Variants in MARCHF1 observed in about 807,000 individuals in gnomAD.
MARCHF1 encodes the protein E3 ubiquitin-protein ligase MARCHF1.
MARCHF1 carries 40 observed loss-of-function variants against 54.2 expected under a neutral mutation model. The ratio of observed to expected loss-of-function variants is 0.74; its 90% CI spans 0.57 to 0.96. The LOEUF is 0.96. MARCHF1 is among the 40% of genes least tolerant of loss of function. The pLI is 0.00. For synonymous variants in MARCHF1, 236 were observed against 236.3 expected, an observed-to-expected ratio of 1.00 and a Z score of 0.01; for missense variants, 586 against 656.5, an observed-to-expected ratio of 0.89 and a Z score of 1.17.
chr4:163,585,610 C>T, intron 8 of MARCHF1, 139 bp downstream of exon 8: 1 of 548,114 alleles, frequency 1.8e-6, no homozygotes, highest in South Asian at 4.8e-5. Flanking sequence ...AAATTTTGTG[C>T]ACTGAGCTCA....
intron 4 of MARCHF1, among the ~76,000 whole-genome samples, chr4:163,787,369 A>C (rs1747651763): frequency 6.6e-6 from 1 of 151,800 alleles, no homozygotes; most frequent in African/African-American, 2.4e-5. Context: ...AAGAACCTCT[A>C]AACTCAACAA....
At chr4:163,667,470 T>C (rs1424316569) in intron 5 of MARCHF1, among the ~76,000 whole-genome samples, 1 of 152,194 alleles carries the variant, frequency 6.6e-6, no homozygotes, top group African/African-American at 2.4e-5. Context: ...AAACCTTTTA[T>C]TGACATCAAA....
intron 5 of MARCHF1, among the ~76,000 whole-genome samples, chr4:163,696,529 T>C (rs941892919): frequency 6.6e-6 from 1 of 152,146 alleles, no homozygotes; most frequent in Admixed American, 6.5e-5. Context: ...TGACACTTCT[T>C]CACATGAGCT....
intron 8 of MARCHF1, among the ~76,000 whole-genome samples, chr4:163,557,057 C>T (rs1164847836): frequency 6.6e-6 from 1 of 152,058 alleles, no homozygotes; most frequent in East Asian, 1.9e-4. Context: ...AAACTGCTCT[C>T]CCTTGAATTG....
chr4:164,291,889 T>A (rs527633568), intron 1 of MARCHF1, among the ~76,000 whole-genome samples: 30 of 152,242 alleles, frequency 2.0e-4, no homozygotes, highest in African/African-American at 6.7e-4. Flanking sequence ...TTTTGAAGTG[T>A]TATATTCTCT....
chr4:163,528,824 ACCACAGCATCTTTGATGTCTG>A lies in MARCHF1; in HGVS notation c.1541_1561del (p.Thr514_Val521delinsIle). 6.2e-7 allele frequency: 1 copy of A among 1,613,348 alleles called. No homozygotes were observed. The highest frequency in any genetic ancestry group is 1.7e-4 in the Middle Eastern group (1 of 6,056). On this transcript the variant is annotated inframe_deletion, in exon 10 of 10. Transcript: ENST00000514618. ...TGCACCTGTTTGTGGTACAGGCACT[ACCACAGCATCTTTGATGTCTG>A]TGTTTACATTACATGAGAAGTTCTT...
chr4:164,084,624 C>T lies in MARCHF1; in HGVS notation c.-248+26964G>A, dbSNP rs192638860. Among the ~76,000 whole-genome samples, 48 of 151,798 alleles carry T rather than the reference C, an allele frequency of 3.2e-4. 1 individual carries two copies. Among genetic ancestry groups the T allele is most frequent in the Non-Finnish European group, 7.4e-5 (5 of 67,734 alleles). ...ATATAAATTCTAAATTTGCTGACTC[C>T]CAATGTAAAGTAAATGCTTATAATT... On this transcript the variant is annotated intron_variant, in intron 2 of 9. Transcript: ENST00000514618.
intron 3 of MARCHF1, among the ~76,000 whole-genome samples, chr4:163,906,190 A>T (rs1036012998): frequency 6.6e-6 from 1 of 152,014 alleles, no homozygotes; most frequent in Non-Finnish European, 1.5e-5. Context: ...CCTCCTCCAC[A>T]GGAGGATTTC....
At chr4:163,718,089 G>A (rs1441424936) in intron 4 of MARCHF1, among the ~76,000 whole-genome samples, 1 of 152,128 alleles carries the variant, frequency 6.6e-6, no homozygotes, top group Non-Finnish European at 1.5e-5. Flanking sequence ...TGGGAAAACT[G>A]GCTAGCCATA....
At chr4:163,828,857 T>C (rs1002843871) in intron 4 of MARCHF1, 1 of 152,222 alleles carries the variant, frequency 6.6e-6, no homozygotes, top group African/African-American at 2.4e-5. Context: ...TAGAAACAAT[T>C]ATAACTTCTT....
intron 4 of MARCHF1, among the ~76,000 whole-genome samples, chr4:163,715,000 C>T (rs918658401): frequency 2.0e-5 from 3 of 152,030 alleles, no homozygotes; most frequent in African/African-American, 4.8e-5. Context: ...GTTTTATTCA[C>T]GAATAATTTA....
chr4:164,116,428 A>C (rs1755941088), intron 1 of MARCHF1, among the ~76,000 whole-genome samples: 5 of 152,118 alleles, frequency 3.3e-5, no homozygotes, highest in Non-Finnish European at 5.9e-5. Flanking sequence ...CTTCATTTGC[A>C]TGTATTTATG....
chr4:164,159,079 T>C (rs1162983207), intron 1 of MARCHF1, among the ~76,000 whole-genome samples: 3 of 152,210 alleles, frequency 2.0e-5, no homozygotes, highest in African/African-American at 7.2e-5. Flanking sequence ...TTCTATTTCA[T>C]GATTGACTTG....
intron 3 of MARCHF1, among the ~76,000 whole-genome samples, chr4:163,899,524 TC>T (rs1321925621): frequency 6.6e-6 from 1 of 152,126 alleles, no homozygotes; most frequent in Non-Finnish European, 1.5e-5. Flanking sequence ...ATAAGAATAG[TC>T]CCTGGCTGTG....
intron 1 of MARCHF1, among the ~76,000 whole-genome samples, chr4:164,220,114 C>T (rs1732048948): frequency 6.6e-6 from 1 of 151,586 alleles, no homozygotes; most frequent in African/African-American, 2.4e-5. Flanking sequence ...CTTGAAATCA[C>T]ATTTATCTGT....
At chr4:164,190,767 T>G (rs141574652) in intron 1 of MARCHF1, among the ~76,000 whole-genome samples, 2 of 152,336 alleles carry the variant, frequency 1.3e-5, no homozygotes, top group East Asian at 3.9e-4. Context: ...GAGTTTCATC[T>G]TCATATGAAA....
chr4:163,631,572 T>C (rs1414302020), intron 5 of MARCHF1, among the ~76,000 whole-genome samples: 1 of 151,908 alleles, frequency 6.6e-6, no homozygotes, highest in Admixed American at 6.6e-5. Flanking sequence ...TCAGATAATT[T>C]AGAAAACCTA....
chr4:164,035,196 T>C (rs772085373), intron 2 of MARCHF1, among the ~76,000 whole-genome samples: 10 of 152,118 alleles, frequency 6.6e-5, no homozygotes, highest in South Asian at 2.1e-4. Context: ...GAGTTTTATA[T>C]ATTTTAGTGA....
At chr4:163,567,700 A>G (rs4691927) in intron 8 of MARCHF1, among the ~76,000 whole-genome samples, 141,867 of 152,284 alleles carry the variant, frequency 0.93, 66,160 homozygotes, top group African/African-American at 0.98. Flanking sequence ...CACAATGATT[A>G]TGAGACCTCA....
Sources: gnomAD v4.1 joint callset for allele counts (sites outside exome capture counted in the v4.1 genomes callset) on GRCh38, gnomAD v4.1.1 for gene constraint, MANE v1.5 for transcripts, NCBI Gene and HGNC (gene_info 2026-07-23, HGNC 2026-07-21) for gene names.